Variants in UBR1 observed in about 807,000 individuals in gnomAD.
UBR1 encodes the protein ubiquitin protein ligase E3 component n-recognin 1, also known as E3 ubiquitin-protein ligase UBR1.
A neutral mutation model predicts 242.1 loss-of-function variants in UBR1; 102 were observed. The ratio of observed to expected loss-of-function variants is 0.42; its 90% CI spans 0.36 to 0.50. The LOEUF is 0.50. Among genes scored for constraint, UBR1 ranks in the 20% least tolerant of loss-of-function variants. The probability of loss-of-function intolerance (pLI) is 0.01; values close to 1 mark genes in which losing one functional copy is unlikely to be tolerated. For missense variants in UBR1, 1,772 were observed against 2,101.8 expected (o/e 0.84, Z 3.07); for synonymous variants, 675 against 684.8 (o/e 0.99, Z 0.22).
At chr15:43,045,572 C>T (rs2033474737) in intron 14 of UBR1, among the ~76,000 whole-genome samples, 1 of 152,006 alleles carries the variant, frequency 6.6e-6, no homozygotes, top group Non-Finnish European at 1.5e-5. Flanking sequence ...GGAGAGTCAT[C>T]CCTATGAACT....
intron 33 of UBR1, among the ~76,000 whole-genome samples, chr15:42,992,293 G>T (rs1367227149): frequency 2.0e-5 from 3 of 152,286 alleles, no homozygotes; most frequent in Non-Finnish European, 4.4e-5. Flanking sequence ...TTTCCCTTGA[G>T]AATCGGTCAG....
At position 42,944,634 on chromosome 15, in the gene UBR1, G is replaced by A. The variant is rs879582553; in HGVS notation, c.*695C>T. 6.6e-6 allele frequency: 1 copy of A among 152,240 alleles called. No individual in the cohort carries two copies. The highest frequency in any genetic ancestry group is 2.4e-5 in the African/African-American group (1 of 41,422). 9.4% of individuals were successfully genotyped at this position (152,240 alleles called of 1,614,324 possible). A position where few individuals can be genotyped will look rare whatever the true frequency, so the allele number is the denominator to read the frequency against. ...CTCAACAAAGCTACTGGTAGTCAGA[G>A]GTGAGAACTGCAAGCTCTTTGTACC... On this transcript the variant is annotated 3_prime_UTR_variant, in exon 47 of 47. Transcript: ENST00000290650.
At chr15:42,976,381 G>A (rs2032287935) in intron 39 of UBR1, among the ~76,000 whole-genome samples, 2 of 152,260 alleles carry the variant, frequency 1.3e-5, no homozygotes, top group South Asian at 4.1e-4. Flanking sequence ...AATTAAGAAT[G>A]GTTTTAGGGA....
chr15:43,008,893 C>T (rs532329563), intron 29 of UBR1, among the ~76,000 whole-genome samples: 35 of 152,190 alleles, frequency 2.3e-4, no homozygotes, highest in African/African-American at 8.2e-4. Flanking sequence ...GAGTGCTGGA[C>T]ACTTGTTGGG....
At chr15:43,059,254 T>C (rs1337009118) in intron 8 of UBR1, 62 bp from the exon 9 acceptor site, 1 of 1,450,704 alleles carries the variant, frequency 6.9e-7, no homozygotes, top group Admixed American at 1.7e-5. Flanking sequence ...TAAATAGAGA[T>C]GAGTCTCACT....
At chr15:42,981,712 G>A (rs2032381736) in intron 37 of UBR1, among the ~76,000 whole-genome samples, 1 of 152,002 alleles carries the variant, frequency 6.6e-6, no homozygotes, top group Admixed American at 6.6e-5. Context: ...GGATGGTCTC[G>A]ACCTCCTGAC....
chr15:42,995,583 G>A (rs1262384016), intron 33 of UBR1, among the ~76,000 whole-genome samples: 1 of 151,960 alleles, frequency 6.6e-6, no homozygotes, highest in Non-Finnish European at 1.5e-5. Flanking sequence ...CAGGAGAATC[G>A]CGTGAACCCG....
chr15:42,972,364 C>CTTTTTATTT (rs1424576758), intron 39 of UBR1, among the ~76,000 whole-genome samples: 1 of 151,936 alleles, frequency 6.6e-6, no homozygotes, highest in Non-Finnish European at 1.5e-5. Context: ...CTCATTTCTT[C>CTTTTTATTT]TTTTTATTTT....
At chr15:43,026,775 G>A in intron 22 of UBR1, 112 bp from the exon 23 acceptor site, 1 of 874,752 alleles carries the variant, frequency 1.1e-6, no homozygotes, top group Non-Finnish European at 1.8e-6. Flanking sequence ...AAAAAATTAT[G>A]TCTCATTTAG....
intron 31 of UBR1, among the ~76,000 whole-genome samples, chr15:43,003,542 C>T (rs1013048575): frequency 1.3e-5 from 2 of 152,228 alleles, no homozygotes; most frequent in Non-Finnish European, 2.9e-5. Context: ...AGGTGTGAGC[C>T]ACCACGCCCG....
At chr15:42,968,793 T>C (rs960932451) in intron 40 of UBR1, among the ~76,000 whole-genome samples, 3 of 152,144 alleles carry the variant, frequency 2.0e-5, no homozygotes, top group African/African-American at 4.8e-5. Flanking sequence ...CTGTGTTAGT[T>C]TGCTGAGAAT....
Position 42,954,661 on chromosome 15 carries a change from C to T in UBR1, c.4836-2213G>A, listed in dbSNP as rs1262767288. Among the ~76,000 whole-genome samples, 9 of 152,024 alleles carry T rather than the reference C, an allele frequency of 5.9e-5. No individual in the cohort carries two copies. The South Asian group carries it at 6.2e-4, about 11-fold the overall frequency. The stretch of plus-strand genomic sequence containing the variant: ...CAGCTCACTGCAACCTGTGCCTGCA[C>T]GTTGAAGTGACTCTCGTGCCTCAGC... On this transcript the variant is annotated intron_variant, in intron 44 of 46. Coordinates refer to ENST00000290650, the MANE Select transcript of UBR1 (RefSeq NM_174916.3).
intron 41 of UBR1, among the ~76,000 whole-genome samples, chr15:42,964,343 C>A (rs1036556959): frequency 6.6e-6 from 1 of 152,122 alleles, no homozygotes; most frequent in Admixed American, 6.6e-5. Flanking sequence ...GTGGCACATG[C>A]CTGTAATCCC....
At chr15:43,021,730 T>C (rs575379913) in intron 26 of UBR1, among the ~76,000 whole-genome samples, 2 of 152,328 alleles carry the variant, frequency 1.3e-5, no homozygotes, top group Non-Finnish European at 2.9e-5. Context: ...GATGAATCCC[T>C]AGATATGGAA....
At chr15:43,025,149 A>T (rs769167884) in intron 24 of UBR1, among the ~76,000 whole-genome samples, 166 bp from the exon 25 acceptor site, 3 of 152,234 alleles carry the variant, frequency 2.0e-5, no homozygotes, top group Non-Finnish European at 4.4e-5. Flanking sequence ...GTTAAGTGTA[A>T]TGTAAGTACT....
chr15:43,096,535 A>G (rs548505140), intron 1 of UBR1, among the ~76,000 whole-genome samples: 1 of 152,338 alleles, frequency 6.6e-6, no homozygotes, highest in East Asian at 1.9e-4. Context: ...ATTTCTCTGT[A>G]GCATGTGATA....
chr15:43,056,483 A>G (rs780450936), intron 10 of UBR1, 41 bp from the exon 11 acceptor site: 13 of 1,379,564 alleles, frequency 9.4e-6, no homozygotes, highest in Non-Finnish European at 1.3e-5. Context: ...AATCACTACT[A>G]AAGACCTTTA....
chr15:43,023,275 A>C (rs1335038110), intron 25 of UBR1, among the ~76,000 whole-genome samples: 2 of 152,152 alleles, frequency 1.3e-5, no homozygotes, highest in Non-Finnish European at 2.9e-5. Flanking sequence ...CAGAAAGAGA[A>C]ATGATGAATA....
intron 11 of UBR1, among the ~76,000 whole-genome samples, chr15:43,055,779 G>T (rs1018662801): frequency 2.0e-5 from 3 of 152,080 alleles, no homozygotes; most frequent in Non-Finnish European, 4.4e-5. Context: ...ACCAGGCGTG[G>T]TGGTGCCTGC....
Sources: gnomAD v4.1 joint callset for allele counts (sites outside exome capture counted in the v4.1 genomes callset) on GRCh38, gnomAD v4.1.1 for gene constraint, MANE v1.5 for transcripts, NCBI Gene and HGNC (gene_info 2026-07-23, HGNC 2026-07-21) for gene names.